Variants in SIDT2 observed in about 807,000 individuals in gnomAD.
SIDT2 encodes SID1 transmembrane family member 2.
Under a neutral mutation model 114.4 loss-of-function variants are expected in SIDT2, and 68 were observed. The ratio of observed to expected loss-of-function variants is 0.59; its 90% CI spans 0.49 to 0.73. The LOEUF (loss-of-function observed/expected upper bound fraction) is 0.73. SIDT2 is among the 30% of genes least tolerant of loss of function. The pLI is 0.00. For synonymous variants in SIDT2, 470 were observed against 438.4 expected (o/e 1.07, Z -0.90); for missense variants, 918 against 1,097.1 (o/e 0.84, Z 2.31).
chr11:117,183,653 T>TA, intron 6 of SIDT2, 126 bp from the exon 7 acceptor site: 2 of 682,938 alleles, frequency 2.9e-6, no homozygotes, highest in Non-Finnish European at 4.8e-6. Context: ...AAAAAAAAAA[T>TA]CTTGTGAGGA....
intron 18 of SIDT2, chr11:117,191,476 CAG>C (rs1441297365): frequency 3.2e-5 from 6 of 190,126 alleles, no homozygotes; most frequent in East Asian, 1.6e-4. Flanking sequence ...CTCAGCTACT[CAG>C]GGGGCTGAGG....
intron 23 of SIDT2, 23 bp downstream of exon 23, chr11:117,193,281 CCT>C: frequency 6.3e-7 from 1 of 1,582,096 alleles, no homozygotes; most frequent in Non-Finnish European, 8.7e-7. Context: ...GGCCAAGCCC[CCT>C]CTGTCAGCTG....
In SIDT2 at chr11:117,193,870, G is replaced by A. The variant is rs1198388958; in HGVS notation, c.2229G>A (p.Arg743=). ...CCTCCCAGCTCCGGAGTGGGGAGAG[G>A]ATCAAGCTCATCCCCCTGCTCTGCA... ...YIIMKLRSGE[R]IKLIPLLCIV... The change falls in exon 24 of 26, where the codon AGG becomes AGA. Residue 743 remains arginine (R), a synonymous_variant. Coordinates refer to ENST00000324225, the MANE Select transcript of SIDT2 (RefSeq NM_001040455.2). The A allele has an allele frequency of 2.5e-6, 4 of 1,614,050 alleles. No individual in the cohort carries two copies. The South Asian group carries it at 4.4e-5, about 18-fold the overall frequency.
Position 117,182,118 on chromosome 11 carries a change from T to C in SIDT2, c.516+13T>C. 6.2e-7 allele frequency: 1 copy of C among 1,613,614 alleles called. No homozygotes were observed. The highest frequency in any genetic ancestry group is 2.2e-5 in the East Asian group (1 of 44,852). ...AGCACAGCCCCAGGTAACATCTCCC[T>C]GTTGATTGCTCGAGAGGAGAAATGG... On this transcript the variant is annotated intron_variant, in intron 4 of 25. Coordinates refer to ENST00000324225, the MANE Select transcript of SIDT2 (RefSeq NM_001040455.2).
chr11:117,193,768 A>T (rs986510616), intron 23 of SIDT2, 85 bp from the exon 24 acceptor site: 2 of 968,428 alleles, frequency 2.1e-6, no homozygotes, highest in African/African-American at 3.2e-5. Flanking sequence ...CCATGAGGAA[A>T]GGGAATCTGG....
Position 117,190,900 on chromosome 11 carries a change from G to A in SIDT2, c.1735+160G>A. 1.7e-6 allele frequency: 1 copy of A among 602,258 alleles called. No individual in the cohort carries two copies. The highest frequency in any genetic ancestry group is 3.0e-6 in the Non-Finnish European group (1 of 333,992). 37.3% of individuals were successfully genotyped at this position (602,258 alleles called of 1,614,324 possible). A position where few individuals can be genotyped will look rare whatever the true frequency, so the allele number is the denominator to read the frequency against. On this transcript the variant is annotated intron_variant, in intron 18 of 25. Coordinates refer to ENST00000324225, the MANE Select transcript of SIDT2 (RefSeq NM_001040455.2). This position sits in a 1 kb window ranked among gnomAD's most constrained non-coding sequence, Gnocchi z 4.1. ...GCACACATCCTAGCCTATGGAACAT[G>A]GGCACCTAGATGCTGCTTCATTCAT...
At position 117,190,257 on chromosome 11, in the gene SIDT2, C is replaced by T. The variant is rs868396005; in HGVS notation, c.1585C>T (p.Arg529Trp). Residue 529 changes from arginine to tryptophan, a missense_variant, in exon 17 of 26, where the codon CGG (arginine) becomes TGG (tryptophan). By Grantham distance (101) the Arg-to-Trp change is moderately radical (BLOSUM62 -3). Coordinates refer to ENST00000324225, the MANE Select transcript of SIDT2 (RefSeq NM_001040455.2). The surrounding 1 kb of genome is among the most constrained non-coding windows in gnomAD (Gnocchi z 4.1). ...CCTGCAACGGGAGATCAACCACAAC[C>T]GGGCCCTGCTGCGCAATGACCTCTG... is the stretch of plus-strand genomic sequence containing the variant. Reference protein sequence around the residue: ...IILQREINHNRALLRNDLCAL... With the variant: ...IILQREINHNWALLRNDLCAL... The T allele has an allele frequency of 4.5e-6, 7 of 1,563,514 alleles. No individual in the cohort carries two copies. The highest frequency in any genetic ancestry group is 2.2e-5 in the East Asian group (1 of 44,570).
At chr11:117,184,183 G>A in intron 8 of SIDT2, 44 bp downstream of exon 8, 3 of 1,585,564 alleles carry the variant, frequency 1.9e-6, no homozygotes, top group African/African-American at 2.7e-5. Flanking sequence ...AAGCCTCTCT[G>A]GCTCCTGCTT....
chr11:117,187,026 A>G (rs751136914), intron 10 of SIDT2: 9 of 1,451,248 alleles, frequency 6.2e-6, no homozygotes, highest in African/African-American at 1.4e-5. Flanking sequence ...CTGTGGGCAG[A>G]GGAGCTGGAG....
In SIDT2 at chr11:117,188,658, T is replaced by A. The variant is rs1416246119; in HGVS notation, c.1160-50T>A. On this transcript the variant is annotated intron_variant, in intron 12 of 25. Coordinates refer to ENST00000324225, the MANE Select transcript of SIDT2 (RefSeq NM_001040455.2). The surrounding 1 kb of genome is among the most constrained non-coding windows in gnomAD (Gnocchi z 4.0). ...ATTGCCTCAGATGGGCGAGGGCCAC[T>A]GTGGGTTTTGTGTCCACCGGTGCAA... 2 of 1,419,796 alleles carry A rather than the reference T, an allele frequency of 1.4e-6. No homozygotes were observed. The highest frequency in any genetic ancestry group is 2.3e-5 in the South Asian group (2 of 87,262). 87.9% of individuals were successfully genotyped at this position (1,419,796 alleles called of 1,614,324 possible). A position where few individuals can be genotyped will look rare whatever the true frequency, so the allele number is the denominator to read the frequency against.
rs374801582 is a variant in SIDT2, at chr11:117,183,812, G to A, written c.736G>A (p.Val246Met). Reference protein sequence around the residue: ...KDFPSNSFYVVVVVKTEDQAC... With the variant: ...KDFPSNSFYVMVVVKTEDQAC... ...CTTCCCCAGCAACAGCTTTTATGTG[G>A]TGGTGGTGGTGAAGACCGAAGACCA... The change falls in exon 7 of 26, where the codon GTG becomes ATG. Residue 246 changes from valine (V) to methionine (M), a missense_variant. Val to Met is a conservative substitution (Grantham distance 21, BLOSUM62 1). Around this residue, in one of 4 missense-constraint regions of SIDT2, gnomAD observed 553 missense variants for 600.1 expected, o/e 0.92. Coordinates refer to ENST00000324225, the MANE Select transcript of SIDT2 (RefSeq NM_001040455.2). The A allele has an allele frequency of 1.2e-6, 2 of 1,614,016 alleles. No homozygotes were observed. The highest frequency in any genetic ancestry group is 1.7e-6 in the Non-Finnish European group (2 of 1,179,886).
Position 117,192,111 on chromosome 11 carries a change from A to C in SIDT2, c.1872+97A>C, listed in dbSNP as rs569828896. ...CACCCTCCGCCACCTCCTGCATGAG[A>C]GATTCCTGCTCCTTCCCTGAGATGC... is the stretch of plus-strand genomic sequence containing the variant. On this transcript the variant is annotated intron_variant, in intron 19 of 25. Coordinates refer to ENST00000324225, the MANE Select transcript of SIDT2 (RefSeq NM_001040455.2). The surrounding 1 kb of genome is among the most constrained non-coding windows in gnomAD (Gnocchi z 5.9). The C allele has an allele frequency of 6.4e-7, 1 of 1,573,172 alleles. No individual in the cohort carries two copies. The highest frequency in any genetic ancestry group is 2.2e-5 in the East Asian group (1 of 44,542).
Position 117,186,242 on chromosome 11 carries a change from GC to G in SIDT2, c.962+21del. The G allele has an allele frequency of 6.2e-7, 1 of 1,610,586 alleles. No homozygotes were observed. The highest frequency in any genetic ancestry group is 2.2e-5 in the East Asian group (1 of 44,862). Reference sequence around the variant, plus strand: ...ACTGGAGGTAAAGTGGAACTGCTGGGCCTCCCCTGGTCTGGGTGGTTTGGGC... The same window carrying G: ...ACTGGAGGTAAAGTGGAACTGCTGGGCTCCCCTGGTCTGGGTGGTTTGGGC... On this transcript the variant is annotated intron_variant, in intron 9 of 25. Transcript: ENST00000324225.
In SIDT2 at chr11:117,187,687, T is replaced by TA. The variant is rs1346412972; in HGVS notation, c.1148dup (p.Tyr383Ter). The TA allele has an allele frequency of 1.9e-6, 3 of 1,613,822 alleles. No individual in the cohort carries two copies. Among genetic ancestry groups the TA allele is most frequent in the Admixed American group, 3.3e-5 (2 of 59,988 alleles). The change falls in exon 12 of 26, where the codon TAC (tyrosine) becomes TAAC (stop). Residue 383 changes from tyrosine to a stop codon, truncating the protein, a stop_gained and frameshift_variant. Transcript: ENST00000324225. LOFTEE classifies it high-confidence loss of function. ...VDSAGTGDLS[Y>*]GYQGRSFEPV... ...CAGCGCTGGCACTGGGGACCTCTCT[T>TA]ACGGTTACCAGGGTGAGTGGGCCAG...
intron 10 of SIDT2, 102 bp from the exon 11 acceptor site, chr11:117,187,276 G>T: frequency 1.7e-6 from 2 of 1,180,880 alleles, no homozygotes; most frequent in Non-Finnish European, 2.5e-6. Flanking sequence ...TGCTGGCATG[G>T]CCTCCCTGTG....
Position 117,179,461 on chromosome 11 carries a change from C to T in SIDT2, c.183+15C>T. On this transcript the variant is annotated intron_variant, in intron 1 of 25. Transcript: ENST00000324225. ...CCCGCAACAGGGTGAGGGCTGGGGGCTTAGGGGCCAGAGGCGAGTGGGGAA... is the reference window on the plus strand; with the variant it reads ...CCCGCAACAGGGTGAGGGCTGGGGGTTTAGGGGCCAGAGGCGAGTGGGGAA... 1.2e-6 allele frequency: 2 copies of T among 1,607,950 alleles called. No individual in the cohort carries two copies. The highest frequency in any genetic ancestry group is 1.7e-6 in the Non-Finnish European group (2 of 1,176,108).
In SIDT2 at chr11:117,192,622, T is replaced by A; in HGVS notation, c.2030T>A (p.Ile677Asn). 6.2e-7 allele frequency: 1 copy of A among 1,612,006 alleles called. No individual in the cohort carries two copies. The highest frequency in any genetic ancestry group is 8.5e-7 in the Non-Finnish European group (1 of 1,180,022). ...CTCCACGTGCTCTACACAGACTGCA[T>A]CCGGCAGTGCAGCGGGCCGCTCTAC... ...RILHVLYTDCIRQCSGPLYVD... is the reference protein window; with the variant it reads ...RILHVLYTDCNRQCSGPLYVD... Residue 677 changes from isoleucine (I) to asparagine (N), a missense_variant, in exon 21 of 26, where the codon ATC becomes AAC. Transcript: ENST00000324225. This position sits in a 1 kb window ranked among gnomAD's most constrained non-coding sequence, Gnocchi z 5.9.
At chr11:117,185,928 A>G in intron 8 of SIDT2, 1 of 500,102 alleles carries the variant, frequency 2.0e-6, no homozygotes, top group Non-Finnish European at 3.6e-6. Context: ...AGGGAGCAAC[A>G]TGAGCAAAAA....
intron 4 of SIDT2, 77 bp from the exon 5 acceptor site, chr11:117,182,441 AG>A: frequency 7.7e-7 from 1 of 1,305,656 alleles, no homozygotes; most frequent in Non-Finnish European, 1.1e-6. Flanking sequence ...CCTCGCTTAT[AG>A]GGGACTATTC....
Sources: gnomAD v4.1 joint callset for allele counts on GRCh38, gnomAD v4.1.1 for gene constraint, gnomAD v4.1.1 regional missense constraint, Gnocchi (gnomAD v3.1) non-coding constraint, MANE v1.5 for transcripts, NCBI Gene and HGNC (gene_info 2026-07-23, HGNC 2026-07-21) for gene names.